Variants in ADGRL2 observed in about 807,000 individuals in gnomAD.
ADGRL2 encodes adhesion G protein-coupled receptor L2.
Under a neutral mutation model 157.4 loss-of-function variants are expected in ADGRL2, and 44 were observed. That is an observed-to-expected ratio of 0.28 (90% confidence interval 0.22 to 0.36). The LOEUF (loss-of-function observed/expected upper bound fraction) is 0.36. Among genes scored for constraint, ADGRL2 ranks in the 10% least tolerant of loss-of-function variants. The probability of loss-of-function intolerance (pLI) is 1.00; values close to 1 mark genes in which losing one functional copy is unlikely to be tolerated. For synonymous variants in ADGRL2, 585 were observed against 624.7 expected, an observed-to-expected ratio of 0.94 and a Z score of 0.95; for missense variants, 1,510 against 1,768.9, an observed-to-expected ratio of 0.85 and a Z score of 2.63.
At chr1:81,582,076 C>G (rs752397722) in intron 3 of ADGRL2, among the ~76,000 whole-genome samples, 22 of 151,940 alleles carry the variant, frequency 1.4e-4, no homozygotes, top group Non-Finnish European at 2.8e-4. Context: ...CAAAATTAGC[C>G]AGGCGTGGTG....
intron 1 of ADGRL2, among the ~76,000 whole-genome samples, chr1:81,739,025 T>C (rs147014760): frequency 6.6e-6 from 1 of 152,314 alleles, no homozygotes; most frequent in East Asian, 1.9e-4. Flanking sequence ...CTTTTGCTTT[T>C]AGAAAGAACT....
intron 3 of ADGRL2, among the ~76,000 whole-genome samples, chr1:81,666,535 C>T (rs768361139): frequency 1.1e-4 from 17 of 151,986 alleles, no homozygotes; most frequent in Non-Finnish European, 1.9e-4. Context: ...TTGGGTTGCC[C>T]GCAGGCATCT....
chr1:81,547,425 A>G (rs2080044591), intron 2 of ADGRL2, among the ~76,000 whole-genome samples: 1 of 152,158 alleles, frequency 6.6e-6, no homozygotes, highest in Non-Finnish European at 1.5e-5. Context: ...ACCACCAGGA[A>G]TTGGTGAAAA....
rs1176928646 is a variant in ADGRL2 at position 81,347,852 on chromosome 1, A to C, written c.-302+41343A>C. On this transcript the variant is annotated intron_variant, in intron 1 of 24. Coordinates refer to the ADGRL2 transcript ENST00000370721. ...CAGAGACATTGACAGTTTTAACTAA[A>C]AAGGGCAGAGAAAGGACAAATGCAA... Among the ~76,000 whole-genome samples the C allele has an allele frequency of 2.6e-5, 4 of 152,230 alleles. No homozygotes were observed. In the East Asian group the frequency reaches 7.7e-4, roughly 29 times the overall value.
intron 1 of ADGRL2, among the ~76,000 whole-genome samples, chr1:81,336,712 A>G (rs1315667711): frequency 6.6e-6 from 1 of 152,118 alleles, no homozygotes; most frequent in Non-Finnish European, 1.5e-5. Context: ...TTCATGTGTA[A>G]TTCTGATATG....
At chr1:81,965,816 T>TA (rs561021310) in intron 11 of ADGRL2, among the ~76,000 whole-genome samples, 1 of 152,216 alleles carries the variant, frequency 6.6e-6, no homozygotes, top group African/African-American at 2.4e-5. Context: ...ACAAAAGAGA[T>TA]AAAAATATGA....
At chr1:81,937,098 A>T (rs965372471) in intron 4 of ADGRL2, among the ~76,000 whole-genome samples, 1 of 151,916 alleles carries the variant, frequency 6.6e-6, no homozygotes, top group African/African-American at 2.4e-5. Flanking sequence ...TGAATTAGCT[A>T]TTCAATACGG....
At chr1:81,944,969 T>G (rs1198621915) in intron 6 of ADGRL2, among the ~76,000 whole-genome samples, 1 of 152,082 alleles carries the variant, frequency 6.6e-6, no homozygotes, top group Non-Finnish European at 1.5e-5. Flanking sequence ...ACATGAGTTT[T>G]GTTCATATAA....
intron 2 of ADGRL2, among the ~76,000 whole-genome samples, chr1:81,538,637 C>T (rs565712207): frequency 1.3e-5 from 2 of 152,138 alleles, no homozygotes; most frequent in African/African-American, 2.4e-5. Flanking sequence ...GGTGTTATGT[C>T]GATGACTCAT....
At chr1:81,745,270 C>T (rs2085207707) in intron 1 of ADGRL2, among the ~76,000 whole-genome samples, 1 of 152,186 alleles carries the variant, frequency 6.6e-6, no homozygotes, top group Non-Finnish European at 1.5e-5. Context: ...CAAATATTCT[C>T]TCTCTTGATC....
Position 81,617,801 on chromosome 1 carries a change from T to A in ADGRL2, c.-143+36821T>A, listed in dbSNP as rs967177093. ...ATAATCTAAAATATTCCCCGTGGAA[T>A]TACCTCAGCAAACAGACATGCTTCA... On this transcript the variant is annotated intron_variant, in intron 3 of 24. Transcript: ENST00000370721. Among the ~76,000 whole-genome samples the A allele has an allele frequency of 3.3e-5, 5 of 152,222 alleles. 1 individual carries two copies. Among genetic ancestry groups the A allele is most frequent in the Admixed American group, 2.0e-4 (3 of 15,288 alleles).
intron 1 of ADGRL2, among the ~76,000 whole-genome samples, chr1:81,408,663 C>A (rs1374477496): frequency 6.6e-6 from 1 of 151,726 alleles, no homozygotes; most frequent in Non-Finnish European, 1.5e-5. Context: ...TAACTGCCCC[C>A]AAGGGTGTGC....
chr1:81,415,670 G>A (rs531238403), intron 1 of ADGRL2, among the ~76,000 whole-genome samples: 35 of 152,276 alleles, frequency 2.3e-4, no homozygotes, highest in South Asian at 1.7e-3. Context: ...ACCCAAATCA[G>A]AGCATCTGAC....
chr1:81,775,666 C>T (rs889506698), intron 2 of ADGRL2, among the ~76,000 whole-genome samples: 4 of 151,888 alleles, frequency 2.6e-5, no homozygotes, highest in Admixed American at 1.3e-4. Flanking sequence ...AAGTCATGCC[C>T]AAATGACACT....
intron 3 of ADGRL2, among the ~76,000 whole-genome samples, chr1:81,925,776 G>A (rs1228316913): frequency 2.0e-5 from 3 of 151,960 alleles, no homozygotes; most frequent in African/African-American, 4.8e-5. Flanking sequence ...GTCTGTAAAA[G>A]TGGAAATTAT....
intron 2 of ADGRL2, among the ~76,000 whole-genome samples, chr1:81,572,228 G>A (rs1055251617): frequency 2.0e-5 from 3 of 152,026 alleles, no homozygotes; most frequent in Admixed American, 6.6e-5. Context: ...TTACTTTGAG[G>A]CCAAGCATTA....
chr1:81,812,291 A>G (rs1460815687), intron 1 of ADGRL2, among the ~76,000 whole-genome samples: 1 of 151,812 alleles, frequency 6.6e-6, no homozygotes, highest in Non-Finnish European at 1.5e-5. Context: ...ATGTTTTATT[A>G]AAATATTTTT....
chr1:81,965,470 C>A (rs142658703), intron 11 of ADGRL2, among the ~76,000 whole-genome samples: 1 of 151,988 alleles, frequency 6.6e-6, no homozygotes, highest in Non-Finnish European at 1.5e-5. Flanking sequence ...ACATTTTCAT[C>A]ATAAATATAT....
rs551619651 is a variant in ADGRL2 at position 81,318,008 on chromosome 1, A to T, written c.-302+11499A>T. 2.6e-5 allele frequency among the ~76,000 whole-genome samples: 4 copies of T among 152,248 alleles called. No homozygotes were observed. In the East Asian group the frequency reaches 7.7e-4, roughly 29 times the overall value. ...CCAAATAAAGCATCTTTATGTTTAC[A>T]TCATTAAATTTTTCAAGCTCTGACT... is the stretch of plus-strand genomic sequence containing the variant. On this transcript the variant is annotated intron_variant, in intron 1 of 24. Transcript: ENST00000370721.
Sources: allele counts gnomAD v4.1 joint callset (sites outside exome capture counted in the v4.1 genomes callset), GRCh38; gene constraint gnomAD v4.1.1; transcripts MANE v1.5; gene names NCBI Gene and HGNC (gene_info 2026-07-23, HGNC 2026-07-21).